TNFRSF11B: variants seen among roughly 807,000 people sequenced by gnomAD.
TNFRSF11B encodes the protein TNF receptor superfamily member 11b.
TNFRSF11B carries 16 observed loss-of-function variants against 43.4 expected under a neutral mutation model. The ratio of observed to expected loss-of-function variants is 0.37; its 90% CI spans 0.25 to 0.56. TNFRSF11B has a LOEUF of 0.56. TNFRSF11B is among the 20% of genes least tolerant of loss of function. The pLI is 0.80. For missense variants in TNFRSF11B, 444 were observed against 490.1 expected (o/e 0.91, Z 0.89); for synonymous variants, 185 against 181.8 (o/e 1.02, Z -0.14).
intron 1 of TNFRSF11B, among the ~76,000 whole-genome samples, chr8:118,936,523 T>C (rs555272692): frequency 3.5e-4 from 53 of 152,278 alleles, no homozygotes; most frequent in Non-Finnish European, 6.2e-4. Flanking sequence ...TTTCTCTCGG[T>C]TTCTTCTGCT....
intron 1 of TNFRSF11B, among the ~76,000 whole-genome samples, chr8:118,940,205 A>G (rs1468118186): frequency 6.6e-6 from 1 of 152,230 alleles, no homozygotes; most frequent in Admixed American, 6.5e-5. Context: ...AGGGAGGGAT[A>G]GCATTAGGAG....
intron 1 of TNFRSF11B, among the ~76,000 whole-genome samples, chr8:118,937,377 C>A (rs1253125351): frequency 6.6e-6 from 1 of 152,148 alleles, no homozygotes; most frequent in East Asian, 1.9e-4. Context: ...GAACTCTTTA[C>A]CAACCTCCCC....
chr8:118,940,735 T>C (rs1297454915), intron 1 of TNFRSF11B, among the ~76,000 whole-genome samples: 2 of 152,176 alleles, frequency 1.3e-5, no homozygotes, highest in Non-Finnish European at 2.9e-5. Context: ...CTAAGTTCAT[T>C]ATCTACTCTG....
At chr8:118,941,820 C>A (rs1199165134) in intron 1 of TNFRSF11B, among the ~76,000 whole-genome samples, 1 of 152,164 alleles carries the variant, frequency 6.6e-6, no homozygotes, top group Non-Finnish European at 1.5e-5. Context: ...GGAAATTGCA[C>A]ATATTTTGGC....
chr8:118,947,095 A>G (rs531632875), intron 1 of TNFRSF11B, among the ~76,000 whole-genome samples: 3 of 152,274 alleles, frequency 2.0e-5, no homozygotes, highest in South Asian at 4.1e-4. Context: ...TTGTGAAGGT[A>G]TTGATATGAA....
In TNFRSF11B at chr8:118,924,282, A is replaced by C. The variant is rs922062887; in HGVS notation, c.*92T>G. 6.0e-5 allele frequency: 88 copies of C among 1,456,230 alleles called. No individual in the cohort carries two copies. The highest frequency in any genetic ancestry group is 7.9e-5 in the Non-Finnish European group (83 of 1,044,698). The allele number at this position is 1,456,230 out of a possible 1,614,324, so 90.2% of individuals were successfully genotyped here. A position where few individuals can be genotyped will look rare whatever the true frequency, so the allele number is the denominator to read the frequency against. ...AAATTAGTCACTGGTAATGAGAAAG[A>C]TATCACTGAAAGCCTCAAGTGCCTG... On this transcript the variant is annotated 3_prime_UTR_variant, in exon 5 of 5. Coordinates refer to ENST00000297350, the MANE Select transcript of TNFRSF11B (RefSeq NM_002546.4).
At chr8:118,929,305 G>C (rs1812292659) in intron 2 of TNFRSF11B, among the ~76,000 whole-genome samples, 1 of 152,248 alleles carries the variant, frequency 6.6e-6, no homozygotes, top group South Asian at 2.1e-4. Context: ...GATAACTGCT[G>C]TGTGTCTGCT....
At chr8:118,926,407 C>T (rs1812243854) in intron 4 of TNFRSF11B, 87 bp downstream of exon 4, 11 of 1,238,116 alleles carry the variant, frequency 8.9e-6, no homozygotes, top group South Asian at 7.4e-5. Flanking sequence ...ATCCACACAA[C>T]TAAACATACA....
intron 3 of TNFRSF11B, among the ~76,000 whole-genome samples, chr8:118,927,328 G>A (rs1812257712): frequency 6.6e-6 from 1 of 152,134 alleles, no homozygotes; most frequent in Non-Finnish European, 1.5e-5. Context: ...AGTAATGGGT[G>A]TTTGTTTTTG....
chr8:118,946,180 TG>T (rs1428072937), intron 1 of TNFRSF11B, among the ~76,000 whole-genome samples: 5 of 152,002 alleles, frequency 3.3e-5, no homozygotes, highest in Non-Finnish European at 5.9e-5. Context: ...GAAATTGGGG[TG>T]AAAAAAACTA....
intron 2 of TNFRSF11B, among the ~76,000 whole-genome samples, chr8:118,931,807 T>A (rs1812333305): frequency 6.6e-6 from 1 of 152,214 alleles, no homozygotes; most frequent in Non-Finnish European, 1.5e-5. Context: ...ACTTTGTATA[T>A]CACAAGTTTT....
At chr8:118,946,046 A>G (rs1431924794) in intron 1 of TNFRSF11B, among the ~76,000 whole-genome samples, 5 of 152,206 alleles carry the variant, frequency 3.3e-5, no homozygotes, top group Admixed American at 1.3e-4. Context: ...AATCACAACA[A>G]TAAAGAGGTA....
chr8:118,939,588 A>T (rs2129909812), intron 1 of TNFRSF11B, among the ~76,000 whole-genome samples: 1 of 152,314 alleles, frequency 6.6e-6, no homozygotes, highest in East Asian at 1.9e-4. Context: ...CATGAACTCT[A>T]GCCAGTAGGT....
Sources: allele counts gnomAD v4.1 joint callset (sites outside exome capture counted in the v4.1 genomes callset), GRCh38; gene constraint gnomAD v4.1.1; transcripts MANE v1.5; gene names NCBI Gene and HGNC (gene_info 2026-07-23, HGNC 2026-07-21).